The following RAP1GAP variants were observed in gnomAD, a reference collection of about 807,000 sequenced individuals.
RAP1GAP encodes the protein rap1 GTPase-activating protein 1.
In RAP1GAP, 35 loss-of-function variants were observed where a neutral mutation model predicts 87.2. The ratio of observed to expected loss-of-function variants is 0.40; its 90% CI spans 0.31 to 0.53. RAP1GAP has a LOEUF of 0.53. Ranked by LOEUF, RAP1GAP falls within the 20% of genes least tolerant of loss-of-function variation. The pLI is 0.48. For missense variants in RAP1GAP, 734 were observed against 898.9 expected (o/e 0.82, Z 2.35); for synonymous variants, 375 against 363.9 (o/e 1.03, Z -0.35).
At chr1:21,647,046 A>G (rs1027228971) in intron 2 of RAP1GAP, among the ~76,000 whole-genome samples, 1 of 152,196 alleles carries the variant, frequency 6.6e-6, no homozygotes, top group African/African-American at 2.4e-5. Context: ...GCCTACTGAC[A>G]AGGTTTTACT....
At chr1:21,604,676 G>C (rs2072466788) in intron 18 of RAP1GAP, among the ~76,000 whole-genome samples, 1 of 152,054 alleles carries the variant, frequency 6.6e-6, no homozygotes. Context: ...TGTGCTTGGT[G>C]ACTGCTGGAC....
intron 7 of RAP1GAP, among the ~76,000 whole-genome samples, chr1:21,616,504 T>C (rs1398099802): frequency 6.6e-6 from 1 of 152,150 alleles, no homozygotes; most frequent in Non-Finnish European, 1.5e-5. Flanking sequence ...CACAAACAGT[T>C]AATGGAAGAG....
At chr1:21,617,909 T>A (rs2083364545) in intron 6 of RAP1GAP, 25 bp downstream of exon 6, 1 of 1,614,012 alleles carries the variant, frequency 6.2e-7, no homozygotes. Context: ...TGAGTAAGGG[T>A]GGGCGCGGGG....
intron 18 of RAP1GAP, among the ~76,000 whole-genome samples, chr1:21,604,407 G>A (rs1261473519): frequency 1.3e-5 from 2 of 152,070 alleles, no homozygotes; most frequent in Admixed American, 6.5e-5. Flanking sequence ...GCCACAGGAC[G>A]GGGAAAGGGA....
At chr1:21,653,617 A>C (rs552004274) in intron 1 of RAP1GAP, among the ~76,000 whole-genome samples, 35 of 132,646 alleles carry the variant, frequency 2.6e-4, no homozygotes, top group Non-Finnish European at 4.0e-4. Context: ...CCTCCTTCCT[A>C]AGTAGTAGCA....
intron 3 of RAP1GAP, among the ~76,000 whole-genome samples, chr1:21,620,861 C>G (rs1409840262): frequency 6.6e-6 from 1 of 152,068 alleles, no homozygotes; most frequent in Non-Finnish European, 1.5e-5. Context: ...CACTCTCTCT[C>G]TCTCTCTCTC....
Position 21,611,460 on chromosome 1 carries a change from C to A in RAP1GAP, c.835G>T (p.Ala279Ser). 4 of 1,613,526 alleles carry A rather than the reference C, an allele frequency of 2.5e-6. No homozygotes were observed. The highest frequency in any genetic ancestry group is 1.7e-5 in the Admixed American group (1 of 59,922). Residue 279 changes from alanine (A) to serine (S), a missense_variant, in exon 13 of 25, where the codon GCC (alanine) becomes TCC (serine). Physicochemically the swap from Ala to Ser is moderately conservative, Grantham distance 99. Coordinates refer to ENST00000374765, the MANE Select transcript of RAP1GAP (RefSeq NM_002885.4). ...STKLPYTEGDAQQLQRKRHIG... is the reference protein window; with the variant it reads ...STKLPYTEGDSQQLQRKRHIG... ...GGGGGTGCCCAGGCTACCTGCTGGG[C>A]GTCCCCTTCCGTGTATGGCAGCTTG...
chr1:21,620,745 C>T (rs2086634831), intron 3 of RAP1GAP, among the ~76,000 whole-genome samples: 1 of 152,072 alleles, frequency 6.6e-6, no homozygotes, highest in Admixed American at 6.5e-5. Context: ...CCTGGGAAGC[C>T]CCCAGAGCCT....
In RAP1GAP at chr1:21,622,047, G is replaced by A. The variant is rs569468693; in HGVS notation, c.-18-1997C>T. Among the ~76,000 whole-genome samples, 43 of 152,234 alleles carry A rather than the reference G, an allele frequency of 2.8e-4. No homozygotes were observed. Among genetic ancestry groups the A allele is most frequent in the Admixed American group, 1.3e-3 (20 of 15,294 alleles). Reference sequence around the variant, plus strand: ...CTGGAGCATTCAGAGCCCCCCAAACGGGGCAGGGGCAGGGTAAAGTGGTCC... The same window carrying A: ...CTGGAGCATTCAGAGCCCCCCAAACAGGGCAGGGGCAGGGTAAAGTGGTCC... On this transcript the variant is annotated intron_variant, in intron 3 of 24. Coordinates refer to ENST00000374765, the MANE Select transcript of RAP1GAP (RefSeq NM_002885.4). This position sits in a 1 kb window ranked among gnomAD's most constrained non-coding sequence, Gnocchi z 5.7.
intron 2 of RAP1GAP, among the ~76,000 whole-genome samples, chr1:21,637,729 G>T (rs1474570820): frequency 1.3e-5 from 2 of 152,146 alleles, no homozygotes; most frequent in East Asian, 3.8e-4. Context: ...CAATGACAAA[G>T]AAGGTCTTTA....
chr1:21,627,005 T>C (rs1387999957), intron 2 of RAP1GAP: 4 of 456,588 alleles, frequency 8.8e-6, no homozygotes, highest in African/African-American at 8.0e-5. Context: ...AGCATCTGCA[T>C]GAGACCTGCC....
At chr1:21,616,369 C>T (rs1406423247) in intron 7 of RAP1GAP, among the ~76,000 whole-genome samples, 1 of 152,214 alleles carries the variant, frequency 6.6e-6, no homozygotes, top group Non-Finnish European at 1.5e-5. Context: ...ATTATGAAGA[C>T]ATGAAAACAG....
At chr1:21,601,851 C>G (rs2275366) in intron 19 of RAP1GAP, 54 bp from the exon 20 acceptor site, 541,129 of 1,316,084 alleles carry the variant, frequency 0.41, 115,668 homozygotes, top group East Asian at 0.59. Flanking sequence ...TGGCATCAGG[C>G]GTAGCGTGAG....
At chr1:21,642,265 C>A (rs1010940056) in intron 2 of RAP1GAP, among the ~76,000 whole-genome samples, 12 of 152,378 alleles carry the variant, frequency 7.9e-5, no homozygotes, top group Non-Finnish European at 2.9e-5. Context: ...CAATTCCGCA[C>A]CCACTGCAGG....
intron 1 of RAP1GAP, chr1:21,651,959 TC>T: frequency 1.3e-6 from 1 of 742,646 alleles, no homozygotes; most frequent in Non-Finnish European, 1.6e-6. Flanking sequence ...CGGGCCGCGG[TC>T]CAGCTGCCGG....
chr1:21,646,690 A>G (rs1346577112), intron 2 of RAP1GAP, among the ~76,000 whole-genome samples: 2 of 152,030 alleles, frequency 1.3e-5, no homozygotes, highest in East Asian at 3.9e-4. Flanking sequence ...CCATTCCTCT[A>G]CCCTGACACC....
intron 18 of RAP1GAP, among the ~76,000 whole-genome samples, chr1:21,605,025 GTGGATGGGTGGGTGGATGGA>G (rs1432973823): frequency 5.7e-5 from 8 of 140,932 alleles, no homozygotes; most frequent in Middle Eastern, 3.8e-3. Flanking sequence ...AGCTAGATGG[GTGGATGGGTGGGTGGATGGA>G]TGGATGGGTG....
chr1:21,613,727 G>T lies in RAP1GAP; in HGVS notation c.396-21C>A. The T allele has an allele frequency of 6.3e-7, 1 of 1,594,552 alleles. No individual in the cohort carries two copies. The highest frequency in any genetic ancestry group is 8.6e-7 in the Non-Finnish European group (1 of 1,163,040). ...TGGTCCTGAGAAGAGAAAGTCACAC[G>T]ATGAAGGCCTGGGCAGCAGGACAGG... On this transcript the variant is annotated intron_variant, in intron 8 of 24. Transcript: ENST00000374765. The surrounding 1 kb of genome is among the most constrained non-coding windows in gnomAD (Gnocchi z 4.7).
chr1:21,626,324 T>G lies in RAP1GAP; in HGVS notation c.-39A>C. 3 of 1,609,204 alleles carry G rather than the reference T, an allele frequency of 1.9e-6. No individual in the cohort carries two copies. Among genetic ancestry groups the G allele is most frequent in the South Asian group, 2.2e-5 (2 of 90,952 alleles). On this transcript the variant is annotated 5_prime_UTR_variant, in exon 3 of 25. Transcript: ENST00000374765. ...CTTACCTTAGGGTAGAGTGAAGGAGTATAGGAGGGAACTAAGTTCACTCGT... is the reference window on the plus strand; with the variant it reads ...CTTACCTTAGGGTAGAGTGAAGGAGGATAGGAGGGAACTAAGTTCACTCGT...
Sources: gnomAD v4.1 joint callset for allele counts (sites outside exome capture counted in the v4.1 genomes callset) on GRCh38, gnomAD v4.1.1 for gene constraint, Gnocchi (gnomAD v3.1) non-coding constraint, MANE v1.5 for transcripts, NCBI Gene and HGNC (gene_info 2026-07-23, HGNC 2026-07-21) for gene names.